The following NDUFAF6 variants were observed in gnomAD, a reference collection of about 807,000 sequenced individuals.
NDUFAF6 encodes the protein NADH dehydrogenase (ubiquinone) complex I, assembly factor 6.
Under a neutral mutation model 40.8 loss-of-function variants are expected in NDUFAF6, and 45 were observed. The observed-to-expected ratio is 1.10, with a 90% CI of 0.87 to 1.42. The LOEUF is 1.42. Among genes scored for constraint, NDUFAF6 ranks in the 40% most tolerant of loss-of-function variants. The pLI is 0.00. For synonymous variants in NDUFAF6, 185 were observed against 155.9 expected, an observed-to-expected ratio of 1.19 and a Z score of -1.39; for missense variants, 435 against 418.5, an observed-to-expected ratio of 1.04 and a Z score of -0.34.
At chr8:95,051,876 T>C (rs1255305355) in intron 7 of NDUFAF6, among the ~76,000 whole-genome samples, 3 of 152,178 alleles carry the variant, frequency 2.0e-5, no homozygotes, top group Non-Finnish European at 4.4e-5. Context: ...GTAATGCAAG[T>C]ATTTCTTCAT....
intron 9 of NDUFAF6, among the ~76,000 whole-genome samples, chr8:95,074,414 A>ATTC (rs372947279): frequency 6.8e-6 from 1 of 147,610 alleles, no homozygotes; most frequent in Non-Finnish European, 1.5e-5. Flanking sequence ...GGGGCCAGGG[A>ATTC]AGTGTTTGAC....
chr8:94,982,824 G>A (rs1159867058), intron 2 of NDUFAF6, among the ~76,000 whole-genome samples: 1 of 152,274 alleles, frequency 6.6e-6, no homozygotes, highest in Non-Finnish European at 1.5e-5. Flanking sequence ...CCGTAATATG[G>A]AAGGAAGAGC....
chr8:94,942,225 G>A (rs1000465371), intron 1 of NDUFAF6, among the ~76,000 whole-genome samples: 7 of 151,556 alleles, frequency 4.6e-5, no homozygotes, highest in Non-Finnish European at 8.8e-5. Flanking sequence ...TTTATTTAGT[G>A]GAGACAGGGT....
At chr8:95,023,758 G>A (rs906653487), upstream of NDUFAF6, among the ~76,000 whole-genome samples, 4 of 152,296 alleles carry the variant, frequency 2.6e-5, no homozygotes, top group African/African-American at 9.6e-5. Context: ...CACTATGGGA[G>A]ACTGAGGTGG....
chr8:94,948,829 C>G (rs370843658), intron 2 of NDUFAF6, among the ~76,000 whole-genome samples: 18 of 152,014 alleles, frequency 1.2e-4, no homozygotes. Flanking sequence ...AAGCCACGCT[C>G]GGGGGAGGAG....
intron 1 of NDUFAF6, among the ~76,000 whole-genome samples, chr8:94,919,210 C>T (rs1819334165): frequency 6.6e-6 from 1 of 151,870 alleles, no homozygotes; most frequent in Non-Finnish European, 1.5e-5. Context: ...TAGATAGAGT[C>T]TTGCTCTGTC....
At chr8:94,919,182 CT>C (rs201872359) in intron 1 of NDUFAF6, among the ~76,000 whole-genome samples, 5 of 149,236 alleles carry the variant, frequency 3.4e-5, no homozygotes, top group South Asian at 4.2e-4. Flanking sequence ...TATTACTTGA[CT>C]TTTTTTTTTC....
intron 1 of NDUFAF6, among the ~76,000 whole-genome samples, chr8:94,976,638 CA>C (rs1353436292): frequency 6.6e-6 from 1 of 151,088 alleles, no homozygotes; most frequent in East Asian, 2.0e-4. Flanking sequence ...CACACCACTG[CA>C]CTCCAACTTG....
chr8:94,966,617 A>G (rs1421407488), intron 1 of NDUFAF6, among the ~76,000 whole-genome samples: 1 of 152,060 alleles, frequency 6.6e-6, no homozygotes, highest in African/African-American at 2.4e-5. Flanking sequence ...AAATAACACA[A>G]AGGCAATGAA....
intron 2 of NDUFAF6, among the ~76,000 whole-genome samples, chr8:95,101,641 C>T (rs1809652010): frequency 1.3e-5 from 2 of 152,220 alleles, no homozygotes; most frequent in Non-Finnish European, 2.9e-5. Context: ...TCTGCTTTCA[C>T]GTGATGGACA....
chr8:95,079,412 C>T (rs2923814), downstream of NDUFAF6, among the ~76,000 whole-genome samples: 88,077 of 152,026 alleles, frequency 0.58, 25,777 homozygotes, highest in East Asian at 0.77. Context: ...CCAAGAATAG[C>T]AGGTCTTTAT....
chr8:94,948,172 C>CA (rs1488281329), intron 2 of NDUFAF6, among the ~76,000 whole-genome samples: 3 of 152,166 alleles, frequency 2.0e-5, no homozygotes, highest in Non-Finnish European at 4.4e-5. Context: ...CAGATATAAT[C>CA]AGAAAATACA....
chr8:95,017,772 GT>G (rs968699238), intron 2 of NDUFAF6, among the ~76,000 whole-genome samples: 1 of 151,986 alleles, frequency 6.6e-6, no homozygotes, highest in Non-Finnish European at 1.5e-5. Flanking sequence ...TTTACTGTGG[GT>G]TTTTTTTGTT....
rs749643530 is a variant in NDUFAF6, at chr8:95,057,916, G to A, written c.981G>A (p.Gln327=). The A allele has an allele frequency of 1.3e-6, 2 of 1,540,962 alleles. No homozygotes were observed. The highest frequency in any genetic ancestry group is 2.2e-5 in the South Asian group (2 of 89,248). ...TACTTCCATTATATTTGTATATTCA[G>A]TCATGGAGAAAAACATATTAAAATA... ...NTLLPLYLYI[Q]SWRKTY Residue 327 remains glutamine (Q), a synonymous_variant, in exon 9 of 9, where the codon CAG becomes CAA. Transcript: ENST00000396124.
upstream of NDUFAF6, among the ~76,000 whole-genome samples, chr8:95,099,267 G>A (rs7010205): frequency 5.3e-5 from 8 of 151,196 alleles, no homozygotes; most frequent in Non-Finnish European, 7.4e-5. Flanking sequence ...AAAAGCTGGC[G>A]TCTCTTTCAG....
intron 9 of NDUFAF6, among the ~76,000 whole-genome samples, chr8:95,070,411 C>T (rs995337029): frequency 6.6e-6 from 1 of 152,058 alleles, no homozygotes; most frequent in African/African-American, 2.4e-5. Flanking sequence ...TCAGAGAAAA[C>T]CAGGTCACTA....
At chr8:95,073,791 GT>G (rs1563854263) in intron 9 of NDUFAF6, among the ~76,000 whole-genome samples, 1 of 152,220 alleles carries the variant, frequency 6.6e-6, no homozygotes, top group African/African-American at 2.4e-5. Flanking sequence ...TCTCCAGAGG[GT>G]AGGGGAGAAA....
chr8:94,908,104 C>G (rs1458874395), intron 1 of NDUFAF6, among the ~76,000 whole-genome samples: 1 of 152,204 alleles, frequency 6.6e-6, no homozygotes, highest in Admixed American at 6.5e-5. Context: ...ATTTTCAAGT[C>G]TAAGTCCCAT....
intron 1 of NDUFAF6, among the ~76,000 whole-genome samples, chr8:94,943,812 C>G (rs902992323): frequency 6.6e-6 from 1 of 152,184 alleles, no homozygotes; most frequent in African/African-American, 2.4e-5. Context: ...AATAGGTAAA[C>G]AGGAAGTGTC....
Sources: allele counts gnomAD v4.1 joint callset (sites outside exome capture counted in the v4.1 genomes callset), GRCh38; gene constraint gnomAD v4.1.1; transcripts MANE v1.5; gene names NCBI Gene and HGNC (gene_info 2026-07-23, HGNC 2026-07-21).